Variants in FIGN observed in about 807,000 individuals in gnomAD.
FIGN encodes the protein fidgetin, microtubule severing factor.
FIGN carries 11 observed loss-of-function variants against 51.3 expected under a neutral mutation model. That is an observed-to-expected ratio of 0.21 (90% CI 0.13 to 0.35). The LOEUF is 0.35. Among genes scored for constraint, FIGN ranks in the 10% least tolerant of loss-of-function variants. The pLI, the probability that FIGN is intolerant of heterozygous loss-of-function variation, is 1.00. For synonymous variants in FIGN, 407 were observed against 363.2 expected (o/e 1.12, Z -1.37); for missense variants, 857 against 943.6 (o/e 0.91, Z 1.20).
intron 2 of FIGN, among the ~76,000 whole-genome samples, chr2:163,683,540 A>G (rs1021185219): frequency 2.6e-5 from 4 of 152,218 alleles, no homozygotes; most frequent in African/African-American, 9.6e-5. Flanking sequence ...AACGGAGAGA[A>G]AGGAGACAAA....
chr2:163,667,204 TC>T (rs1223964658), intron 2 of FIGN, among the ~76,000 whole-genome samples: 1 of 152,066 alleles, frequency 6.6e-6, no homozygotes, highest in Non-Finnish European at 1.5e-5. Flanking sequence ...CTGACTTCTT[TC>T]GCCATTCTAC....
chr2:163,620,104 G>A (rs1682942537), intron 2 of FIGN, among the ~76,000 whole-genome samples: 1 of 152,104 alleles, frequency 6.6e-6, no homozygotes, highest in African/African-American at 2.4e-5. Flanking sequence ...TAAGTGTCAG[G>A]TGTCATTAAC....
At chr2:163,721,591 A>G (rs1221984372) in intron 2 of FIGN, among the ~76,000 whole-genome samples, 1 of 152,180 alleles carries the variant, frequency 6.6e-6, no homozygotes, top group Non-Finnish European at 1.5e-5. Flanking sequence ...CAATTAACTA[A>G]GCAACATTTG....
At chr2:163,629,906 C>G (rs117936716) in intron 2 of FIGN, among the ~76,000 whole-genome samples, 1 of 132,914 alleles carries the variant, frequency 7.5e-6, no homozygotes, top group East Asian at 2.2e-4. Context: ...GAGATGGCAT[C>G]AAGAGGATGT....
rs967030086 is a variant in FIGN at position 163,656,505 on chromosome 2, A to C, written c.26-44699T>G. Among the ~76,000 whole-genome samples, 2 of 152,124 alleles carry C rather than the reference A, an allele frequency of 1.3e-5. 1 individual carries two copies. ...TTTGTTGAGCTGACCAAGGCAGGCC[A>C]CACTCCTGGAGGGGCTCATCAAACC... On this transcript the variant is annotated intron_variant, in intron 2 of 2. Transcript: ENST00000333129.
Position 163,610,316 on chromosome 2 carries a change from C to G in FIGN, c.1516G>C (p.Val506Leu), listed in dbSNP as rs1245407673. 1 of 1,614,192 alleles carries G rather than the reference C, an allele frequency of 6.2e-7. No homozygotes were observed. ...CCACTGAACGCGTCTGACCTCAACA[C>G]TGGCCATAAAACCTCCTCTTTAATG... Reference protein sequence around the residue: ...AVIKEEVLWPVLRSDAFSGLT... With the variant: ...AVIKEEVLWPLLRSDAFSGLT... Residue 506 changes from valine (V) to leucine (L), a missense_variant, in exon 3 of 3, where the codon GTG (valine) becomes CTG (leucine). Physicochemically the swap from Val to Leu is conservative, Grantham distance 32. Around this residue, in one of 3 missense-constraint regions of FIGN, gnomAD observed 799 missense variants for 849.5 expected, o/e 0.94. Coordinates refer to ENST00000333129, the MANE Select transcript of FIGN (RefSeq NM_018086.4).
chr2:163,686,282 T>C (rs1286005595), intron 2 of FIGN, among the ~76,000 whole-genome samples: 1 of 152,216 alleles, frequency 6.6e-6, no homozygotes, highest in East Asian at 1.9e-4. Context: ...GACAGTTTTA[T>C]CCTAGACAAA....
At chr2:163,735,265 T>G (rs1684996642) in intron 1 of FIGN, among the ~76,000 whole-genome samples, 193 bp from the exon 2 acceptor site, 1 of 152,136 alleles carries the variant, frequency 6.6e-6, no homozygotes, top group Admixed American at 6.5e-5. Context: ...TACCATTAAA[T>G]TATACATCTT....
chr2:163,660,691 ATACATATATATG>A (rs1683640684), intron 2 of FIGN, among the ~76,000 whole-genome samples: 1 of 125,066 alleles, frequency 8.0e-6, no homozygotes, highest in African/African-American at 3.0e-5. Flanking sequence ...ATATACACAT[ATACATATATATG>A]TATACACATA....
intron 2 of FIGN, among the ~76,000 whole-genome samples, chr2:163,621,761 G>A (rs138446702): frequency 3.3e-5 from 5 of 152,200 alleles, no homozygotes; most frequent in East Asian, 1.9e-4. Flanking sequence ...TCATTAGCGC[G>A]GTTGGCTCTT....
intron 2 of FIGN, among the ~76,000 whole-genome samples, chr2:163,708,602 TGTCAGTA>T (rs1418133772): frequency 6.6e-6 from 1 of 152,218 alleles, no homozygotes; most frequent in African/African-American, 2.4e-5. Context: ...CCAACTGGCA[TGTCAGTA>T]GTAATTAAAA....
intron 2 of FIGN, among the ~76,000 whole-genome samples, chr2:163,704,654 T>TCACA (rs1231822768): frequency 1.8e-4 from 24 of 132,046 alleles, no homozygotes; most frequent in African/African-American, 7.4e-4. Flanking sequence ...TCTCTCTCTC[T>TCACA]CTCACACACA....
chr2:163,727,534 C>G (rs1486057071), intron 2 of FIGN, among the ~76,000 whole-genome samples: 1 of 152,062 alleles, frequency 6.6e-6, no homozygotes, highest in African/African-American at 2.4e-5. Context: ...GATTTTTCTT[C>G]TTAGAAAGTC....
chr2:163,734,878 G>T, intron 2 of FIGN, 25 bp downstream of exon 2: 1 of 1,597,376 alleles, frequency 6.3e-7, no homozygotes, highest in Non-Finnish European at 8.5e-7. Flanking sequence ...AGATGCAAAG[G>T]AAGTAAATTC....
chr2:163,732,969 T>C (rs1436646437), intron 2 of FIGN, among the ~76,000 whole-genome samples: 1 of 152,206 alleles, frequency 6.6e-6, no homozygotes, highest in Non-Finnish European at 1.5e-5. Flanking sequence ...TCTTTTAGGT[T>C]TGTAGCTCTG....
chr2:163,616,908 C>T (rs538827556), intron 2 of FIGN, among the ~76,000 whole-genome samples: 1 of 152,214 alleles, frequency 6.6e-6, no homozygotes, highest in East Asian at 1.9e-4. Context: ...GCTAAAAATA[C>T]AGGTCTATGC....
chr2:163,711,450 C>T (rs186561638), intron 2 of FIGN, among the ~76,000 whole-genome samples: 1 of 151,980 alleles, frequency 6.6e-6, no homozygotes, highest in South Asian at 2.1e-4. Context: ...AACAGGGACG[C>T]GAGAAGTAGT....
At chr2:163,696,633 C>T (rs556784065) in intron 2 of FIGN, among the ~76,000 whole-genome samples, 1 of 151,940 alleles carries the variant, frequency 6.6e-6, no homozygotes, top group South Asian at 2.1e-4. Context: ...TTATGATCCT[C>T]ATTTTGTTTT....
rs1015030216 is a variant in FIGN at position 163,668,554 on chromosome 2, T to A, written c.26-56748A>T. On this transcript the variant is annotated intron_variant, in intron 2 of 2. Coordinates refer to ENST00000333129, the MANE Select transcript of FIGN (RefSeq NM_018086.4). Reference sequence around the variant, plus strand: ...ATTTGAATTGAATTCCATCTCTTCATAAGAAATCATGAAAGTATATTACAT... The same window carrying A: ...ATTTGAATTGAATTCCATCTCTTCAAAAGAAATCATGAAAGTATATTACAT... Among the ~76,000 whole-genome samples the A allele has an allele frequency of 2.0e-5, 3 of 152,210 alleles. No homozygotes were observed. In the South Asian group the frequency reaches 6.2e-4, roughly 32 times the overall value.
Sources: allele counts gnomAD v4.1 joint callset (sites outside exome capture counted in the v4.1 genomes callset), GRCh38; gene constraint gnomAD v4.1.1; regional missense constraint gnomAD v4.1.1; transcripts MANE v1.5; gene names NCBI Gene and HGNC (gene_info 2026-07-23, HGNC 2026-07-21).